ZNF622: variants seen among roughly 807,000 people sequenced by gnomAD.
The protein encoded by ZNF622 is zinc finger protein 622, also known as cytoplasmic 60S subunit biogenesis factor ZNF622.
ZNF622 carries 34 observed loss-of-function variants against 49.7 expected under a neutral mutation model. The observed-to-expected ratio is 0.68, with a 90% CI of 0.52 to 0.91. The LOEUF (loss-of-function observed/expected upper bound fraction) is 0.91. ZNF622 is among the 40% of genes least tolerant of loss of function. ZNF622 has a pLI of 0.00. For synonymous variants in ZNF622, 209 were observed against 228.7 expected, an observed-to-expected ratio of 0.91 and a Z score of 0.78; for missense variants, 569 against 616.4, an observed-to-expected ratio of 0.92 and a Z score of 0.81.
At chr5:16,457,601 G>T (rs1738047103) in intron 4 of ZNF622, among the ~76,000 whole-genome samples, 1 of 152,186 alleles carries the variant, frequency 6.6e-6, no homozygotes, top group Admixed American at 6.5e-5. Flanking sequence ...CTGAGCTAAA[G>T]ATAGTCATCT....
Position 16,458,573 on chromosome 5 carries a change from G to A in ZNF622, c.1106C>T (p.Pro369Leu). Reference protein sequence around the residue: ...GEDPNKAEELPSEKNLEYDDE... With the variant: ...GEDPNKAEELLSEKNLEYDDE... The stretch of plus-strand genomic sequence containing the variant: ...ATCATATTCCAAGTTCTTTTCTGAG[G>A]GCAACTCCTCAGCCTTATTGGGGTC... The change falls in exon 4 of 6, where the codon CCC becomes CTC. Residue 369 changes from proline (P) to leucine (L), a missense_variant. By Grantham distance (98) the Pro-to-Leu change is moderately conservative (BLOSUM62 -3). Coordinates refer to ENST00000308683, the MANE Select transcript of ZNF622 (RefSeq NM_033414.3). 7 of 1,613,658 alleles carry A rather than the reference G, an allele frequency of 4.3e-6. No homozygotes were observed. The highest frequency in any genetic ancestry group is 5.9e-6 in the Non-Finnish European group (7 of 1,179,810).
chr5:16,458,751 G>C, intron 3 of ZNF622, 122 bp from the exon 4 acceptor site: 1 of 629,798 alleles, frequency 1.6e-6, no homozygotes, highest in Non-Finnish European at 2.7e-6. Context: ...GGAGGAAGCA[G>C]CTGTAGGAAC....
Position 16,453,171 on chromosome 5 carries a change from A to G in ZNF622, c.1163-15T>C. On this transcript the variant is annotated splice_polypyrimidine_tract_variant and intron_variant, in intron 4 of 5. Transcript: ENST00000308683. ...CACTCTGGCACCTGTTTTTCAAAAG[A>G]GCAATACTGAAACACTGAGTTGGAT... The G allele has an allele frequency of 6.7e-7, 1 of 1,490,672 alleles. No homozygotes were observed. The highest frequency in any genetic ancestry group is 9.0e-7 in the Non-Finnish European group (1 of 1,110,132). The allele number at this position is 1,490,672 out of a possible 1,614,324, so 92.3% of individuals were successfully genotyped here.
At position 16,465,178 on chromosome 5, in the gene ZNF622, G is replaced by A. The variant is rs777558843; in HGVS notation, c.488C>T (p.Thr163Ile). The A allele has an allele frequency of 6.2e-7, 1 of 1,614,206 alleles. No homozygotes were observed. The highest frequency in any genetic ancestry group is 1.1e-5 in the South Asian group (1 of 91,076). Residue 163 changes from threonine (T) to isoleucine (I), a missense_variant, in exon 1 of 6, where the codon ACT becomes ATT. Coordinates refer to ENST00000308683, the MANE Select transcript of ZNF622 (RefSeq NM_033414.3). This position sits in a 1 kb window ranked among gnomAD's most constrained non-coding sequence, Gnocchi z 6.2. Reference protein sequence around the residue: ...KEARNVVAVGTGGRGTHDRDP... With the variant: ...KEARNVVAVGIGGRGTHDRDP... ...TCGGTCGTGGGTCCCACGGCCACCAGTACCCACGGCCACGACATTCCTGGC... is the reference window on the plus strand; with the variant it reads ...TCGGTCGTGGGTCCCACGGCCACCAATACCCACGGCCACGACATTCCTGGC...
Position 16,463,153 on chromosome 5 carries a change from G to A in ZNF622, c.1004C>T (p.Thr335Ile). ...AAATTCCAAAGCAGCATCGCCATCT[G>A]TGAAGAGCTTACAGTGGCTTTTGTC... is the stretch of plus-strand genomic sequence containing the variant. ...MNDKSHCKLF[T>I]DGDAALEFAD... The change falls in exon 3 of 6, where the codon ACA becomes ATA. Residue 335 changes from threonine (T) to isoleucine (I), a missense_variant. By Grantham distance (89) the Thr-to-Ile change is moderately conservative. Transcript: ENST00000308683. The surrounding 1 kb of genome is among the most constrained non-coding windows in gnomAD (Gnocchi z 4.2). The A allele has an allele frequency of 6.2e-7, 1 of 1,613,456 alleles. No homozygotes were observed. The highest frequency in any genetic ancestry group is 2.2e-5 in the East Asian group (1 of 44,878).
chr5:16,457,271 C>G (rs1378312233), intron 4 of ZNF622, among the ~76,000 whole-genome samples: 2 of 152,170 alleles, frequency 1.3e-5, no homozygotes, highest in Non-Finnish European at 2.9e-5. Flanking sequence ...ATTCAATTTA[C>G]TTAAGGTCTA....
intron 1 of ZNF622, among the ~76,000 whole-genome samples, chr5:16,464,318 C>T (rs1738176623): frequency 6.6e-6 from 1 of 152,156 alleles, no homozygotes. Flanking sequence ...CCTTCTGCTT[C>T]TTCCACCACA....
intron 4 of ZNF622, among the ~76,000 whole-genome samples, chr5:16,453,559 TTATATATATATATATATATA>T (rs58965299): frequency 0.012 from 811 of 67,176 alleles, 27 homozygotes; most frequent in African/African-American, 0.029. Flanking sequence ...TAAATAAAAA[TTATATATATATATATATATA>T]TATATATATA....
chr5:16,458,226 TAAAG>T lies in ZNF622; in HGVS notation c.1162+287_1162+290del, dbSNP rs1738061691. 5.4e-5 allele frequency among the ~76,000 whole-genome samples: 5 copies of T among 91,820 alleles called. No individual in the cohort carries two copies. The South Asian group carries it at 1.7e-3, about 31-fold the overall frequency. The allele number at this position is 91,820 out of a possible 152,430, so 60.2% of individuals were successfully genotyped here. ...GACAGGACCAAAAAAGATAAATAAATAAAGAACAGAATAGAAAAGGTCTACATCT... is the reference window on the plus strand; with the variant it reads ...GACAGGACCAAAAAAGATAAATAAATAACAGAATAGAAAAGGTCTACATCT... On this transcript the variant is annotated intron_variant, in intron 4 of 5. Transcript: ENST00000308683.
At chr5:16,460,508 TTGTA>T (rs1738105662) in intron 3 of ZNF622, among the ~76,000 whole-genome samples, 1 of 152,190 alleles carries the variant, frequency 6.6e-6, no homozygotes, top group African/African-American at 2.4e-5. Flanking sequence ...AACACTAGCT[TTGTA>T]TGTAAAGGCT....
intron 3 of ZNF622, among the ~76,000 whole-genome samples, chr5:16,459,562 C>G (rs1392567154): frequency 6.6e-6 from 1 of 152,152 alleles, no homozygotes. Flanking sequence ...AACAGATAAC[C>G]TATAAACATT....
chr5:16,458,920 A>G (rs534807129), intron 3 of ZNF622, among the ~76,000 whole-genome samples: 59 of 152,220 alleles, frequency 3.9e-4, no homozygotes, highest in Non-Finnish European at 7.1e-4. Context: ...GCTATACTCA[A>G]TTTAACCACT....
intron 5 of ZNF622, among the ~76,000 whole-genome samples, chr5:16,452,025 A>G (rs1456369747): frequency 6.6e-6 from 1 of 152,174 alleles, no homozygotes; most frequent in Non-Finnish European, 1.5e-5. Context: ...TTTAGTTTTC[A>G]TCATCTGGAA....
At chr5:16,460,311 G>A (rs191065067) in intron 3 of ZNF622, among the ~76,000 whole-genome samples, 67 of 152,262 alleles carry the variant, frequency 4.4e-4, no homozygotes, top group African/African-American at 1.4e-3. Flanking sequence ...TGACTACAGA[G>A]GGCCAGCTGT....
At chr5:16,464,009 A>C (rs1349799723) in intron 1 of ZNF622, among the ~76,000 whole-genome samples, 1 of 152,226 alleles carries the variant, frequency 6.6e-6, no homozygotes, top group African/African-American at 2.4e-5. Flanking sequence ...CACCTAGCCC[A>C]GTGCTGAAAA....
chr5:16,463,192 T>C lies in ZNF622; in HGVS notation c.965A>G (p.Gln322Arg), dbSNP rs753606723. ...GKSFYSTEAV[Q>R]AHMNDKSHCK... ...GTGGCTTTTGTCATTCATATGTGCC[T>C]GTACAGCTTCTGTGGAGTAGAAGGA... The change falls in exon 3 of 6, where the codon CAG (glutamine) becomes CGG (arginine). Residue 322 changes from glutamine to arginine, a missense_variant. Coordinates refer to ENST00000308683, the MANE Select transcript of ZNF622 (RefSeq NM_033414.3). This position sits in a 1 kb window ranked among gnomAD's most constrained non-coding sequence, Gnocchi z 4.2. 1.9e-5 allele frequency: 31 copies of C among 1,613,952 alleles called. No homozygotes were observed. The highest frequency in any genetic ancestry group is 2.6e-5 in the Non-Finnish European group (31 of 1,180,022).
At chr5:16,459,883 G>C (rs1235879677) in intron 3 of ZNF622, among the ~76,000 whole-genome samples, 1 of 152,168 alleles carries the variant, frequency 6.6e-6, no homozygotes, top group Non-Finnish European at 1.5e-5. Flanking sequence ...AGGAGGGGTA[G>C]TTTCTGGAAG....
chr5:16,453,159 GT>G lies in ZNF622; in HGVS notation c.1163-4del. On this transcript the variant is annotated splice_region_variant and splice_polypyrimidine_tract_variant and intron_variant, in intron 4 of 5. Transcript: ENST00000308683. The stretch of plus-strand genomic sequence containing the variant: ...GGAGCGATGACCCACTCTGGCACCT[GT>G]TTTTCAAAAGAGCAATACTGAAACA... 2 of 1,497,276 alleles carry G rather than the reference GT, an allele frequency of 1.3e-6. No individual in the cohort carries two copies. Among genetic ancestry groups the G allele is most frequent in the Non-Finnish European group, 1.8e-6 (2 of 1,113,354 alleles). The allele number at this position is 1,497,276 out of a possible 1,614,324, so 92.7% of individuals were successfully genotyped here.
chr5:16,452,696 T>G (rs1737953857), intron 5 of ZNF622, among the ~76,000 whole-genome samples: 1 of 152,250 alleles, frequency 6.6e-6, no homozygotes, highest in Non-Finnish European at 1.5e-5. Flanking sequence ...TAGGATACTA[T>G]CTAATTCCTC....
Sources: allele counts gnomAD v4.1 joint callset (sites outside exome capture counted in the v4.1 genomes callset), GRCh38; gene constraint gnomAD v4.1.1; non-coding constraint Gnocchi (gnomAD v3.1); transcripts MANE v1.5; gene names NCBI Gene and HGNC (gene_info 2026-07-23, HGNC 2026-07-21).